The following SLC25A21 variants were observed in gnomAD, a reference collection of about 807,000 sequenced individuals.
The protein encoded by SLC25A21 is mitochondrial 2-oxodicarboxylate carrier.
A neutral mutation model predicts 43.8 loss-of-function variants in SLC25A21; 47 were observed. The ratio of observed to expected loss-of-function variants is 1.07; its 90% confidence interval spans 0.85 to 1.37. SLC25A21 has a LOEUF of 1.37. Among genes scored for constraint, SLC25A21 ranks in the 40% most tolerant of loss-of-function variants. SLC25A21 has a pLI of 0.00. For missense variants in SLC25A21, 352 were observed against 350.2 expected, an observed-to-expected ratio of 1.00 and a Z score of -0.04; for synonymous variants, 131 against 121.3, an observed-to-expected ratio of 1.08 and a Z score of -0.52.
intron 2 of SLC25A21, among the ~76,000 whole-genome samples, chr14:36,820,871 G>A (rs1184912076): frequency 6.6e-6 from 1 of 152,138 alleles, no homozygotes; most frequent in African/African-American, 2.4e-5. Flanking sequence ...AATATTACAC[G>A]TGTTCCTCAA....
intron 1 of SLC25A21, among the ~76,000 whole-genome samples, chr14:37,131,298 T>C (rs1430554320): frequency 2.6e-5 from 4 of 152,216 alleles, no homozygotes; most frequent in African/African-American, 4.8e-5. Context: ...AGGCATATCA[T>C]TGAGTGAGAC....
intron 3 of SLC25A21, among the ~76,000 whole-genome samples, chr14:36,774,704 G>A (rs1009174727): frequency 4.6e-5 from 7 of 152,054 alleles, no homozygotes; most frequent in African/African-American, 7.2e-5. Flanking sequence ...TAGCTGGGAT[G>A]ACAGGCATGT....
chr14:36,734,471 C>T, intron 4 of SLC25A21, 36 bp downstream of exon 4: 1 of 1,550,526 alleles, frequency 6.4e-7, no homozygotes, highest in Non-Finnish European at 8.8e-7. Context: ...TTACTGTGCC[C>T]TACTTTTGCT....
intron 7 of SLC25A21, among the ~76,000 whole-genome samples, chr14:36,701,037 T>TA (rs1235412051): frequency 6.6e-6 from 1 of 152,192 alleles, no homozygotes; most frequent in Non-Finnish European, 1.5e-5. Flanking sequence ...TTGTTAGTTC[T>TA]AATAGGTCCA....
At chr14:36,899,009 A>T (rs1891328908) in intron 1 of SLC25A21, among the ~76,000 whole-genome samples, 1 of 152,238 alleles carries the variant, frequency 6.6e-6, no homozygotes, top group Non-Finnish European at 1.5e-5. Flanking sequence ...TCCACTATGT[A>T]TCTAATACAA....
At chr14:37,049,338 A>G (rs1484249815) in intron 1 of SLC25A21, among the ~76,000 whole-genome samples, 1 of 152,178 alleles carries the variant, frequency 6.6e-6, no homozygotes, top group Non-Finnish European at 1.5e-5. Context: ...TTGGCAGGCC[A>G]AGGTGGGAGG....
At chr14:37,166,020 T>A (rs1348300815) in intron 1 of SLC25A21, among the ~76,000 whole-genome samples, 1 of 152,150 alleles carries the variant, frequency 6.6e-6, no homozygotes, top group Non-Finnish European at 1.5e-5. Context: ...ATCCCTAACA[T>A]GTTTAGGGGA....
chr14:36,992,091 A>G (rs1960275908), intron 1 of SLC25A21, among the ~76,000 whole-genome samples: 1 of 152,252 alleles, frequency 6.6e-6, no homozygotes, highest in South Asian at 2.1e-4. Flanking sequence ...GTGAGGCTTC[A>G]GGCCGAGCAC....
At chr14:36,691,695 T>A (rs1193166706) in intron 7 of SLC25A21, among the ~76,000 whole-genome samples, 1 of 152,144 alleles carries the variant, frequency 6.6e-6, no homozygotes, top group Non-Finnish European at 1.5e-5. Flanking sequence ...TTAGAAAAAT[T>A]AAAAATAAAA....
intron 7 of SLC25A21, among the ~76,000 whole-genome samples, chr14:36,700,910 G>A (rs902112756): frequency 3.3e-5 from 5 of 152,192 alleles, no homozygotes; most frequent in Admixed American, 6.5e-5. Context: ...GGGTATGGTG[G>A]TCATGAAAAT....
intron 1 of SLC25A21, among the ~76,000 whole-genome samples, chr14:37,015,226 G>A (rs1960825259): frequency 4.1e-5 from 5 of 121,660 alleles, no homozygotes; most frequent in South Asian, 5.2e-4. Context: ...AGAGTGTGAT[G>A]TTCCCCTTCC....
rs71449974 is a variant in SLC25A21, at chr14:37,170,043, C to CT, written c.70+2237dup. On this transcript the variant is annotated intron_variant, in intron 1 of 9. Coordinates refer to ENST00000331299, the MANE Select transcript of SLC25A21 (RefSeq NM_030631.4). ...ATAAGTAGGATCAGAGTTTGATCTACTTTTTTTTTTTGAGACCGAGTCTCG... is the reference window on the plus strand; with the variant it reads ...ATAAGTAGGATCAGAGTTTGATCTACTTTTTTTTTTTTGAGACCGAGTCTCG... 6.0e-4 allele frequency among the ~76,000 whole-genome samples: 88 copies of CT among 147,454 alleles called. 1 individual carries two copies. The highest frequency in any genetic ancestry group is 3.5e-3 in the Middle Eastern group (1 of 284).
intron 3 of SLC25A21, among the ~76,000 whole-genome samples, chr14:36,802,585 T>C (rs1192191191): frequency 1.3e-5 from 2 of 152,160 alleles, no homozygotes; most frequent in African/African-American, 4.8e-5. Context: ...CCAAGTGGAA[T>C]TCTAATCCAG....
chr14:36,697,662 T>A (rs1388862044), intron 7 of SLC25A21, among the ~76,000 whole-genome samples: 1 of 152,178 alleles, frequency 6.6e-6, no homozygotes, highest in African/African-American at 2.4e-5. Context: ...TACCATTATG[T>A]AATGGCCTTC....
intron 1 of SLC25A21, among the ~76,000 whole-genome samples, chr14:37,090,029 A>G (rs1353287301): frequency 1.3e-5 from 2 of 152,186 alleles, no homozygotes; most frequent in Non-Finnish European, 2.9e-5. Context: ...CTTAGGAACA[A>G]TTTAGGCTAA....
intron 1 of SLC25A21, among the ~76,000 whole-genome samples, chr14:36,935,067 A>T (rs1229346101): frequency 6.6e-6 from 1 of 152,080 alleles, no homozygotes; most frequent in Admixed American, 6.6e-5. Flanking sequence ...ATAACTCAAA[A>T]TATCCTAGAA....
chr14:36,852,854 T>C (rs993174156), intron 2 of SLC25A21, among the ~76,000 whole-genome samples: 2 of 152,144 alleles, frequency 1.3e-5, no homozygotes, highest in Admixed American at 6.5e-5. Context: ...CAGGAAACAC[T>C]ACTAAAATTT....
intron 6 of SLC25A21, among the ~76,000 whole-genome samples, chr14:36,715,230 A>G (rs1884074042): frequency 1.3e-5 from 2 of 152,254 alleles, no homozygotes; most frequent in Non-Finnish European, 2.9e-5. Context: ...CTATAAAAAT[A>G]AGAAGTAATA....
At chr14:37,108,708 TGTGTGTGTG>T (rs1377004008) in intron 1 of SLC25A21, among the ~76,000 whole-genome samples, 1 of 7,092 alleles carries the variant, frequency 1.4e-4, no homozygotes. Flanking sequence ...TTGTTAAGTG[TGTGTGTGTG>T]TGTGTGTGTG....
Sources: gnomAD v4.1 joint callset for allele counts (sites outside exome capture counted in the v4.1 genomes callset) on GRCh38, gnomAD v4.1.1 for gene constraint, MANE v1.5 for transcripts, NCBI Gene and HGNC (gene_info 2026-07-23, HGNC 2026-07-21) for gene names.